Variants in FAM168A observed in about 807,000 individuals in gnomAD.
FAM168A encodes the protein protein FAM168A.
Under a neutral mutation model 28.5 loss-of-function variants are expected in FAM168A, and 3 were observed. The ratio of observed to expected loss-of-function variants is 0.11; its 90% confidence interval spans 0.05 to 0.27. The LOEUF (loss-of-function observed/expected upper bound fraction) is 0.27, where lower values mean the gene tolerates loss of function less well. FAM168A is among the 10% of genes least tolerant of loss of function. The pLI, the probability that FAM168A is intolerant of heterozygous loss-of-function variation, is 1.00. For synonymous variants in FAM168A, 122 were observed against 124.2 expected (o/e 0.98, Z 0.12); for missense variants, 222 against 311.5 (o/e 0.71, Z 2.16).
At chr11:73,461,222 C>G (rs531610949) in intron 2 of FAM168A, among the ~76,000 whole-genome samples, 1 of 152,110 alleles carries the variant, frequency 6.6e-6, no homozygotes, top group South Asian at 2.1e-4. Flanking sequence ...GCTCAAGTGA[C>G]CCTCCCAACT....
intron 1 of FAM168A, among the ~76,000 whole-genome samples, chr11:73,578,286 A>G (rs2134730744): frequency 6.6e-6 from 1 of 151,808 alleles, no homozygotes; most frequent in Middle Eastern, 3.4e-3. Flanking sequence ...AATGGGGGGG[A>G]TATGAGGAGA....
intron 1 of FAM168A, among the ~76,000 whole-genome samples, chr11:73,533,547 C>A (rs2508666): frequency 1 from 152,055 of 152,088 alleles, 76,011 homozygotes; most frequent in Middle Eastern, 1. Flanking sequence ...TGTGTTTCAC[C>A]AACAGCAAGG....
At chr11:73,521,697 A>G (rs1369692063) in intron 1 of FAM168A, among the ~76,000 whole-genome samples, 2 of 152,216 alleles carry the variant, frequency 1.3e-5, no homozygotes, top group African/African-American at 2.4e-5. Context: ...TAATGGTAAT[A>G]ACAACGGGGA....
chr11:73,487,505 GC>G (rs1477203302), intron 1 of FAM168A, among the ~76,000 whole-genome samples: 2 of 152,094 alleles, frequency 1.3e-5, no homozygotes, highest in South Asian at 2.1e-4. Flanking sequence ...TTCCTCTTAT[GC>G]CTTAAAGATT....
Position 73,509,750 on chromosome 11 carries a change from C to T in FAM168A, c.-18-41258G>A, listed in dbSNP as rs115638375. 1.4e-3 allele frequency among the ~76,000 whole-genome samples: 215 copies of T among 152,336 alleles called. 1 individual carries two copies. The highest frequency in any genetic ancestry group is 4.9e-3 in the African/African-American group (202 of 41,568). On this transcript the variant is annotated intron_variant, in intron 1 of 7. Coordinates refer to ENST00000356467, the MANE Select transcript of FAM168A (RefSeq NM_015159.3). ...AGCACTTAACAATGTTCTAGGCAAA[C>T]TGAACAGGTGCTTGGCTTTCTAAAC...
intron 1 of FAM168A, among the ~76,000 whole-genome samples, chr11:73,556,028 A>T (rs960042811): frequency 6.6e-6 from 1 of 152,320 alleles, no homozygotes; most frequent in Non-Finnish European, 1.5e-5. Flanking sequence ...ACCCAGTGTC[A>T]TGCCAAAGAC....
chr11:73,558,412 T>A (rs1279384390), intron 1 of FAM168A, among the ~76,000 whole-genome samples: 1 of 141,558 alleles, frequency 7.1e-6, no homozygotes, highest in Non-Finnish European at 1.5e-5. Flanking sequence ...AAGGCTGCGG[T>A]GAACTATGAT....
At chr11:73,521,290 T>C (rs1943372477) in intron 1 of FAM168A, among the ~76,000 whole-genome samples, 1 of 151,996 alleles carries the variant, frequency 6.6e-6, no homozygotes, top group Non-Finnish European at 1.5e-5. Context: ...ACACACCCTA[T>C]ACTACTATTG....
At chr11:73,475,098 T>G (rs534415385) in intron 1 of FAM168A, among the ~76,000 whole-genome samples, 1 of 152,126 alleles carries the variant, frequency 6.6e-6, no homozygotes, top group East Asian at 1.9e-4. Flanking sequence ...CCTCAAAACA[T>G]CTCAACTATT....
Position 73,542,228 on chromosome 11 carries a change from T to C in FAM168A, c.-19+55695A>G, listed in dbSNP as rs545926069. Among the ~76,000 whole-genome samples, 20 of 152,370 alleles carry C rather than the reference T, an allele frequency of 1.3e-4. No individual in the cohort carries two copies. The South Asian group carries it at 2.9e-3, about 22-fold the overall frequency. ...CTTGAACTTCTCTGAATTTCAGACT[T>C]GTATATCCAACTGCCTGAGATCTTT... is the stretch of plus-strand genomic sequence containing the variant. On this transcript the variant is annotated intron_variant, in intron 1 of 7. Coordinates refer to ENST00000356467, the MANE Select transcript of FAM168A (RefSeq NM_015159.3).
intron 1 of FAM168A, among the ~76,000 whole-genome samples, chr11:73,476,233 C>T (rs919783687): frequency 2.0e-5 from 3 of 152,112 alleles, no homozygotes; most frequent in African/African-American, 7.2e-5. Context: ...GCCTTCCTGG[C>T]CTGCGTTTAA....
chr11:73,591,087 T>A (rs1433003618), intron 1 of FAM168A, among the ~76,000 whole-genome samples: 1 of 151,786 alleles, frequency 6.6e-6, no homozygotes, highest in Non-Finnish European at 1.5e-5. Flanking sequence ...GAGTTTGCAG[T>A]GAGCAGAGAT....
chr11:73,490,626 T>C (rs939952941), intron 1 of FAM168A, among the ~76,000 whole-genome samples: 1 of 152,208 alleles, frequency 6.6e-6, no homozygotes, highest in African/African-American at 2.4e-5. Context: ...ATCTATTCTC[T>C]CTGCCTGAAA....
intron 1 of FAM168A, 92 bp from the exon 2 acceptor site, chr11:73,468,584 A>G: frequency 2.7e-6 from 3 of 1,093,412 alleles, no homozygotes; most frequent in East Asian, 4.9e-5. Context: ...TTTCCCTGAA[A>G]GGAAAGCATC....
At chr11:73,412,576 C>G (rs1319370479) in intron 4 of FAM168A, among the ~76,000 whole-genome samples, 3 of 152,170 alleles carry the variant, frequency 2.0e-5, no homozygotes, top group Admixed American at 6.5e-5. Context: ...TTCTACGGAA[C>G]CCAAGTGATC....
chr11:73,440,980 A>C (rs1325037836), intron 2 of FAM168A, among the ~76,000 whole-genome samples: 1 of 152,238 alleles, frequency 6.6e-6, no homozygotes, highest in Non-Finnish European at 1.5e-5. Context: ...CTGGGGAGAA[A>C]CAGAAAGATG....
chr11:73,420,029 A>T (rs1866764781), intron 3 of FAM168A, 30 bp from the exon 4 acceptor site: 2 of 1,611,054 alleles, frequency 1.2e-6, no homozygotes, highest in Non-Finnish European at 1.7e-6. Flanking sequence ...ATGGCATTAG[A>T]CAGAAATAAG....
At chr11:73,426,703 C>CTG (rs34499254) in intron 3 of FAM168A, among the ~76,000 whole-genome samples, 8,586 of 144,222 alleles carry the variant, frequency 0.06, 274 homozygotes, top group East Asian at 0.13. Flanking sequence ...CCAAAATATG[C>CTG]TGTGTGTGTG....
intron 1 of FAM168A, among the ~76,000 whole-genome samples, chr11:73,535,993 C>T (rs1190377058): frequency 1.3e-5 from 2 of 152,042 alleles, no homozygotes; most frequent in Non-Finnish European, 2.9e-5. Context: ...CTACAGGTGG[C>T]ACACCACCAC....
Sources: gnomAD v4.1 joint callset for allele counts (sites outside exome capture counted in the v4.1 genomes callset) on GRCh38, gnomAD v4.1.1 for gene constraint, MANE v1.5 for transcripts, NCBI Gene and HGNC (gene_info 2026-07-23, HGNC 2026-07-21) for gene names.